Variants in PLCL1 observed in about 807,000 individuals in gnomAD.
The protein encoded by PLCL1 is phospholipase C like 1 (inactive).
Under a neutral mutation model 84.4 loss-of-function variants are expected in PLCL1, and 41 were observed. The observed-to-expected ratio is 0.49, with a 90% CI of 0.38 to 0.63. The LOEUF (loss-of-function observed/expected upper bound fraction) is 0.63. Ranked by LOEUF, PLCL1 falls within the 30% of genes least tolerant of loss-of-function variation. PLCL1 has a pLI of 0.00. For synonymous variants in PLCL1, 490 were observed against 488.3 expected, an observed-to-expected ratio of 1.00 and a Z score of -0.05; for missense variants, 1,206 against 1,367.8, an observed-to-expected ratio of 0.88 and a Z score of 1.87.
At chr2:197,813,552 T>A (rs915968051) in intron 1 of PLCL1, among the ~76,000 whole-genome samples, 3 of 152,110 alleles carry the variant, frequency 2.0e-5, no homozygotes, top group Non-Finnish European at 4.4e-5. Flanking sequence ...TTATGTTTAA[T>A]CTAATATATA....
At chr2:197,926,517 C>T (rs140459532) in intron 1 of PLCL1, among the ~76,000 whole-genome samples, 6 of 152,216 alleles carry the variant, frequency 3.9e-5, no homozygotes, top group Admixed American at 6.5e-5. Flanking sequence ...TTATAATTTA[C>T]GTGATATTTA....
chr2:197,942,903 A>G (rs1400911314), intron 1 of PLCL1, among the ~76,000 whole-genome samples: 1 of 152,156 alleles, frequency 6.6e-6, no homozygotes, highest in Non-Finnish European at 1.5e-5. Context: ...CAATGCAGTA[A>G]TCCCCTTATA....
intron 1 of PLCL1, among the ~76,000 whole-genome samples, chr2:197,948,470 A>G (rs1002198933): frequency 6.6e-6 from 1 of 151,832 alleles, no homozygotes; most frequent in African/African-American, 2.4e-5. Flanking sequence ...CTTTATATGC[A>G]TTTTGAAATA....
chr2:197,843,305 G>C (rs1687050455), intron 1 of PLCL1, among the ~76,000 whole-genome samples: 1 of 152,070 alleles, frequency 6.6e-6, no homozygotes. Context: ...TTCCCCTCCT[G>C]CTTTACATTC....
intron 1 of PLCL1, among the ~76,000 whole-genome samples, chr2:197,953,604 A>G (rs1689429818): frequency 6.6e-6 from 1 of 152,048 alleles, no homozygotes; most frequent in South Asian, 2.1e-4. Context: ...TCTGATTCCT[A>G]GAGGCATATT....
At chr2:197,964,723 G>T (rs924041979) in intron 1 of PLCL1, among the ~76,000 whole-genome samples, 4 of 152,058 alleles carry the variant, frequency 2.6e-5, no homozygotes, top group Non-Finnish European at 4.4e-5. Context: ...CTGTGGGTTT[G>T]TCTTATATGG....
chr2:198,045,894 T>C (rs1691775524), intron 1 of PLCL1, among the ~76,000 whole-genome samples: 1 of 152,228 alleles, frequency 6.6e-6, no homozygotes, highest in African/African-American at 2.4e-5. Flanking sequence ...AGGGTACACA[T>C]GTACCATTTT....
chr2:197,842,640 T>C (rs567417884), intron 1 of PLCL1, among the ~76,000 whole-genome samples: 1 of 152,156 alleles, frequency 6.6e-6, no homozygotes, highest in African/African-American at 2.4e-5. Context: ...TTAACCTTTT[T>C]TGTGGTTTCT....
At chr2:197,973,883 C>T (rs760074731) in intron 1 of PLCL1, among the ~76,000 whole-genome samples, 1 of 152,198 alleles carries the variant, frequency 6.6e-6, no homozygotes, top group Non-Finnish European at 1.5e-5. Flanking sequence ...TTCTTGGTTC[C>T]TCTGGCTGCT....
At chr2:198,134,907 G>A (rs778247385) in intron 5 of PLCL1, among the ~76,000 whole-genome samples, 27 of 152,166 alleles carry the variant, frequency 1.8e-4, no homozygotes, top group African/African-American at 6.3e-4. Flanking sequence ...TTGCACTTTT[G>A]TTCTGGCATG....
rs749353063 is a variant in PLCL1, at chr2:198,142,812, T to C, written c.3106-3968T>C. Among the ~76,000 whole-genome samples the C allele has an allele frequency of 3.3e-5, 5 of 152,076 alleles. No homozygotes were observed. In the South Asian group the frequency reaches 8.3e-4, roughly 25 times the overall value. ...GCATCCTTCTCTTTTTTTTTTTTCA[T>C]GAAGGATCCCCAGTACCAGAGGATA... On this transcript the variant is annotated intron_variant, in intron 5 of 5. Transcript: ENST00000428675.
rs1383016972 is a variant in PLCL1 at position 197,923,245 on chromosome 2, G to A, written c.240+117906G>A. ...TCCCTCCCGGATGGGGCGGCTGGCC[G>A]GGCGGGGGGCTGACCCCCCCCACCT... On this transcript the variant is annotated intron_variant, in intron 1 of 5. Coordinates refer to ENST00000428675, the MANE Select transcript of PLCL1 (RefSeq NM_006226.4). 1.3e-3 allele frequency among the ~76,000 whole-genome samples: 185 copies of A among 146,740 alleles called. 1 individual carries two copies. Among genetic ancestry groups the A allele is most frequent in the Middle Eastern group, 7.3e-3 (2 of 274 alleles).
intron 1 of PLCL1, among the ~76,000 whole-genome samples, chr2:197,865,967 A>G (rs891868341): frequency 1.5e-5 from 2 of 136,086 alleles, no homozygotes; most frequent in African/African-American, 5.6e-5. Flanking sequence ...CCATGATTGC[A>G]CCACTGCACT....
intron 1 of PLCL1, among the ~76,000 whole-genome samples, chr2:198,035,135 A>G (rs1183431649): frequency 1.3e-5 from 2 of 152,220 alleles, no homozygotes; most frequent in African/African-American, 4.8e-5. Context: ...GAAAATAAAT[A>G]TATCTATTAG....
intron 1 of PLCL1, among the ~76,000 whole-genome samples, chr2:197,838,584 A>C (rs1691236042): frequency 6.6e-6 from 1 of 152,248 alleles, no homozygotes; most frequent in Admixed American, 6.5e-5. Context: ...GAATTGAAAA[A>C]GTTTTAATAG....
At chr2:198,062,085 T>C (rs1041847351) in intron 1 of PLCL1, among the ~76,000 whole-genome samples, 2 of 152,214 alleles carry the variant, frequency 1.3e-5, no homozygotes, top group Non-Finnish European at 2.9e-5. Context: ...GTCAGAAATT[T>C]GAATTGTTTA....
At position 198,093,992 on chromosome 2, in the gene PLCL1, G is replaced by C. The variant is rs1158576795; in HGVS notation, c.2919+4931G>C. 2.0e-5 allele frequency among the ~76,000 whole-genome samples: 3 copies of C among 152,046 alleles called. No homozygotes were observed. The East Asian group carries it at 5.8e-4, about 29-fold the overall frequency. ...AATAAATAAATCCCACTATTTATTA[G>C]TCATTAAATATTTGAAAATATTTCC... On this transcript the variant is annotated intron_variant, in intron 3 of 5. Transcript: ENST00000428675.
intron 1 of PLCL1, among the ~76,000 whole-genome samples, chr2:198,045,913 G>A (rs1456723331): frequency 6.6e-6 from 1 of 152,208 alleles, no homozygotes; most frequent in African/African-American, 2.4e-5. Context: ...TTATTTGACA[G>A]AGATCTTCAT....
intron 1 of PLCL1, among the ~76,000 whole-genome samples, chr2:197,915,543 C>A (rs570086323): frequency 6.6e-6 from 1 of 150,518 alleles, no homozygotes; most frequent in Admixed American, 6.6e-5. Context: ...TTTTGAAGTC[C>A]GATGGCAGCA....
Sources: allele counts gnomAD v4.1 joint callset (sites outside exome capture counted in the v4.1 genomes callset), GRCh38; gene constraint gnomAD v4.1.1; transcripts MANE v1.5; gene names NCBI Gene and HGNC (gene_info 2026-07-23, HGNC 2026-07-21).